The following TRIM14 variants were observed in gnomAD, a reference collection of about 807,000 sequenced individuals.
TRIM14 encodes tripartite motif-containing protein 14.
In TRIM14, 28 loss-of-function variants were observed where a neutral mutation model predicts 44.5. The ratio of observed to expected loss-of-function variants is 0.63; its 90% CI spans 0.47 to 0.86. The LOEUF (loss-of-function observed/expected upper bound fraction) is 0.86, where lower values mean the gene tolerates loss of function less well. Ranked by LOEUF, TRIM14 falls within the 40% of genes least tolerant of loss-of-function variation. The pLI, the probability that TRIM14 is intolerant of heterozygous loss-of-function variation, is 0.00. For synonymous variants in TRIM14, 299 were observed against 269.2 expected (o/e 1.11, Z -1.08); for missense variants, 607 against 611.1 (o/e 0.99, Z 0.07).
At chr9:98,045,614 G>A in the TRIM14 span, among the ~76,000 whole-genome samples, 3 of 152,176 alleles carry the variant, frequency 2.0e-5, no homozygotes, top group African/African-American at 7.2e-5. Flanking sequence ...TAGAGTTTCT[G>A]AGCCTAGCCT....
chr9:98,053,834 T>TAAATAAATAAATAA, the TRIM14 span, among the ~76,000 whole-genome samples: 1 of 151,842 alleles, frequency 6.6e-6, no homozygotes, highest in African/African-American at 2.4e-5. Context: ...AATAAATAAA[T>TAAATAAATAAATAA]ATCATCCTTT....
rs1825778579 is a variant in TRIM14 at position 98,086,441 on chromosome 9, C to T, written c.*1029G>A. 1 of 152,316 alleles carries T rather than the reference C, an allele frequency of 6.6e-6. No homozygotes were observed. Among genetic ancestry groups the T allele is most frequent in the Non-Finnish European group, 1.5e-5 (1 of 68,172 alleles). 9.4% of individuals were successfully genotyped at this position (152,316 alleles called of 1,614,324 possible). On this transcript the variant is annotated 3_prime_UTR_variant, in exon 6 of 6. Coordinates refer to ENST00000341469, the MANE Select transcript of TRIM14 (RefSeq NM_014788.4). ...AGCTCTTCTGTTACTCAGTGATAGG[C>T]ACCTGCTGGTTATTAATTCACTGCT...
chr9:98,065,695 C>T (rs1341317278), downstream of TRIM14, among the ~76,000 whole-genome samples: 2 of 151,134 alleles, frequency 1.3e-5, no homozygotes, highest in African/African-American at 2.4e-5. Flanking sequence ...GTGTCTCCAC[C>T]GAAATCTCAA....
chr9:98,060,670 C>CTAAATAAA, the TRIM14 span: 1 of 1,064,750 alleles, frequency 9.4e-7, no homozygotes. Flanking sequence ...AACTCTGTCT[C>CTAAATAAA]TAAATAAATA....
chr9:98,063,409 A>T, the TRIM14 span, among the ~76,000 whole-genome samples: 1 of 148,388 alleles, frequency 6.7e-6, no homozygotes, highest in African/African-American at 2.5e-5. Context: ...GCCCAGCTAA[A>T]TTTTGTATTT....
At chr9:98,116,246 G>A (rs1162425806) in intron 1 of TRIM14, 2 of 146,266 alleles carry the variant, frequency 1.4e-5, no homozygotes, top group Non-Finnish European at 3.0e-5. Flanking sequence ...AGGCTGCAGT[G>A]AGCCAAAATT....
At chr9:98,046,958 G>A in the TRIM14 span, among the ~76,000 whole-genome samples, 1 of 152,156 alleles carries the variant, frequency 6.6e-6, no homozygotes. Flanking sequence ...GGGACAGCTG[G>A]AAAAGGTCCC....
intron 6 of TRIM14, chr9:98,076,926 TG>T (rs780624275): frequency 1.2e-6 from 2 of 1,610,150 alleles, no homozygotes; most frequent in South Asian, 2.2e-5. Context: ...AGATGGCAGT[TG>T]AATTCCTGCA....
chr9:98,065,228 T>C (rs1343029088), downstream of TRIM14, among the ~76,000 whole-genome samples: 1 of 152,026 alleles, frequency 6.6e-6, no homozygotes, highest in Non-Finnish European at 1.5e-5. Flanking sequence ...ATAAATAGGA[T>C]TGTTTTTCAA....
chr9:98,054,663 T>C, the TRIM14 span, among the ~76,000 whole-genome samples: 2 of 152,194 alleles, frequency 1.3e-5, no homozygotes, highest in African/African-American at 4.8e-5. Flanking sequence ...ACAATTTCTC[T>C]ATTGCAAAGT....
chr9:98,052,427 A>G, the TRIM14 span, among the ~76,000 whole-genome samples: 58 of 152,026 alleles, frequency 3.8e-4, no homozygotes, highest in African/African-American at 1.4e-3. Flanking sequence ...TTTTAAATAT[A>G]TGTACAGTTT....
At chr9:98,092,575 C>T (rs571971439) in intron 4 of TRIM14, 2 of 275,572 alleles carry the variant, frequency 7.3e-6, no homozygotes, top group Admixed American at 4.4e-5. Context: ...GGAAGCCCAC[C>T]TGCAGGCTGT....
intron 2 of TRIM14, among the ~76,000 whole-genome samples, chr9:98,107,518 C>T (rs1826662328): frequency 6.6e-6 from 1 of 152,152 alleles, no homozygotes; most frequent in Non-Finnish European, 1.5e-5. Flanking sequence ...ATCCCAAGGG[C>T]ATTCTGCTGA....
intron 6 of TRIM14, chr9:98,078,058 A>G (rs1829669564): frequency 1.5e-6 from 2 of 1,334,492 alleles, no homozygotes; most frequent in African/African-American, 1.5e-5. Context: ...CTGTTCCCCC[A>G]CAGGGGCTGG....
chr9:98,117,025 G>A (rs1358329953), intron 1 of TRIM14, among the ~76,000 whole-genome samples: 1 of 152,098 alleles, frequency 6.6e-6, no homozygotes, highest in Admixed American at 6.5e-5. Flanking sequence ...GAAAATCTTA[G>A]CACACCTGTT....
At chr9:98,109,730 T>C (rs946479940) in intron 2 of TRIM14, among the ~76,000 whole-genome samples, 159 bp downstream of exon 2, 3 of 152,160 alleles carry the variant, frequency 2.0e-5, no homozygotes, top group African/African-American at 7.2e-5. Context: ...TAATTTTGTG[T>C]TCTTTTTCTA....
At chr9:98,078,883 A>AT (rs1347071341) in intron 6 of TRIM14, among the ~76,000 whole-genome samples, 1 of 150,928 alleles carries the variant, frequency 6.6e-6, no homozygotes, top group Non-Finnish European at 1.5e-5. Flanking sequence ...ATTTGGGATG[A>AT]TTTTACCTTT....
chr9:98,062,762 A>C, the TRIM14 span, among the ~76,000 whole-genome samples: 1 of 148,706 alleles, frequency 6.7e-6, no homozygotes, highest in East Asian at 2.0e-4. Flanking sequence ...ACTTTTGGAT[A>C]CGGAAGTTAT....
At position 98,095,075 on chromosome 9, in the gene TRIM14, A is replaced by G. The variant is rs1337347967; in HGVS notation, c.538-46T>C. On this transcript the variant is annotated intron_variant, in intron 3 of 5. Coordinates refer to ENST00000341469, the MANE Select transcript of TRIM14 (RefSeq NM_014788.4). This position sits in a 1 kb window ranked among gnomAD's most constrained non-coding sequence, Gnocchi z 4.1. ...GAGGGTGGCTCTGGGAGATGCAGGCAGCATCCCAGCCTCCTGTGCTGCACC... is the reference window on the plus strand; with the variant it reads ...GAGGGTGGCTCTGGGAGATGCAGGCGGCATCCCAGCCTCCTGTGCTGCACC... 6.3e-7 allele frequency: 1 copy of G among 1,582,294 alleles called. No individual in the cohort carries two copies. Among genetic ancestry groups the G allele is most frequent in the Admixed American group, 1.7e-5 (1 of 58,110 alleles).
Sources: allele counts gnomAD v4.1 joint callset (sites outside exome capture counted in the v4.1 genomes callset), GRCh38; gene constraint gnomAD v4.1.1; non-coding constraint Gnocchi (gnomAD v3.1); transcripts MANE v1.5; gene names NCBI Gene and HGNC (gene_info 2026-07-23, HGNC 2026-07-21).